TMEM50B: variants seen among roughly 807,000 people sequenced by gnomAD.
The protein encoded by TMEM50B is transmembrane protein 50B.
In TMEM50B, 14 loss-of-function variants were observed where a neutral mutation model predicts 23.4. The ratio of observed to expected loss-of-function variants is 0.60; its 90% CI spans 0.39 to 0.93. The LOEUF is 0.93. Ranked by LOEUF, TMEM50B falls within the 40% of genes least tolerant of loss-of-function variation. TMEM50B has a pLI of 0.00. For missense variants in TMEM50B, 159 were observed against 193.0 expected (o/e 0.82, Z 1.04); for synonymous variants, 64 against 62.3 (o/e 1.03, Z -0.13).
chr21:33,437,047 A>G, intron 8 of TMEM50B: 1 of 1,445,096 alleles, frequency 6.9e-7, no homozygotes, highest in African/African-American at 1.4e-5. Context: ...CTTTCCAGAG[A>G]CCAGTATTCC....
intron 1 of TMEM50B, among the ~76,000 whole-genome samples, chr21:33,476,623 T>C (rs1274398331): frequency 6.6e-6 from 1 of 150,876 alleles, no homozygotes; most frequent in Non-Finnish European, 1.5e-5. Context: ...TAGCTGGGCG[T>C]GGTGGAGGGT....
intron 7 of TMEM50B, among the ~76,000 whole-genome samples, chr21:33,441,430 T>A (rs1156897896): frequency 6.6e-6 from 1 of 152,042 alleles, no homozygotes; most frequent in Non-Finnish European, 1.5e-5. Flanking sequence ...AAAACAAAGG[T>A]TCTTAAAGGA....
At chr21:33,463,200 A>G (rs2084232940) in intron 4 of TMEM50B, among the ~76,000 whole-genome samples, 1 of 152,046 alleles carries the variant, frequency 6.6e-6, no homozygotes, top group Admixed American at 6.6e-5. Context: ...GCTGAGGCAG[A>G]AGAATTGCTT....
intron 6 of TMEM50B, among the ~76,000 whole-genome samples, chr21:33,453,841 C>T (rs898091715): frequency 4.6e-5 from 7 of 152,124 alleles, no homozygotes; most frequent in Admixed American, 2.6e-4. Flanking sequence ...TGGTGGCTCA[C>T]ACCTGTAATC....
intron 1 of TMEM50B, among the ~76,000 whole-genome samples, chr21:33,476,760 CAAAAA>C (rs10645412): frequency 1.5e-5 from 1 of 68,434 alleles, no homozygotes; most frequent in African/African-American, 5.5e-5. Flanking sequence ...GACTCCATCT[CAAAAA>C]AAAAAAAAAA....
Position 33,453,246 on chromosome 21 carries a change from T to C in TMEM50B, c.432-2383A>G, listed in dbSNP as rs953621736. On this transcript the variant is annotated intron_variant, in intron 6 of 6. Coordinates refer to ENST00000542230, the MANE Select transcript of TMEM50B (RefSeq NM_006134.7). ...CTGGGATTCCAGGCATGCACCACCA[T>C]GCCCAGCTAATGTCTGTATTTTTAG... Among the ~76,000 whole-genome samples, 5 of 152,158 alleles carry C rather than the reference T, an allele frequency of 3.3e-5. No individual in the cohort carries two copies. The East Asian group carries it at 9.7e-4, about 29-fold the overall frequency.
chr21:33,469,984 GGAA>G (rs1313845059), intron 1 of TMEM50B, among the ~76,000 whole-genome samples: 3 of 152,042 alleles, frequency 2.0e-5, no homozygotes, highest in Admixed American at 6.6e-5. Flanking sequence ...AGACATAACT[GGAA>G]GAAGGAGAAA....
At chr21:33,459,667 C>CAAA (rs34183635) in intron 5 of TMEM50B, among the ~76,000 whole-genome samples, 34 of 123,982 alleles carry the variant, frequency 2.7e-4, no homozygotes, top group Admixed American at 5.0e-4. Flanking sequence ...GACTCCGTCT[C>CAAA]AAAAAAAAAA....
At chr21:33,450,983 A>G in intron 6 of TMEM50B, 120 bp from the exon 7 acceptor site, 1 of 765,034 alleles carries the variant, frequency 1.3e-6, no homozygotes, top group East Asian at 2.6e-5. Flanking sequence ...TAAAAATTAA[A>G]TTAGACATCA....
intron 2 of TMEM50B, among the ~76,000 whole-genome samples, chr21:33,468,163 T>C (rs1017830083): frequency 1.3e-5 from 2 of 151,284 alleles, no homozygotes; most frequent in South Asian, 4.2e-4. Context: ...AGCTGGATGA[T>C]AGACACATGG....
chr21:33,451,723 G>A (rs890015833), intron 6 of TMEM50B, among the ~76,000 whole-genome samples: 1 of 152,130 alleles, frequency 6.6e-6, no homozygotes, highest in Non-Finnish European at 1.5e-5. Context: ...CTGGATATAC[G>A]GTTTAGGCCT....
At position 33,450,742 on chromosome 21, in the gene TMEM50B, C is replaced by A; in HGVS notation, c.*76G>T. 1.8e-6 allele frequency: 2 copies of A among 1,103,512 alleles called. No homozygotes were observed. Among genetic ancestry groups the A allele is most frequent in the Non-Finnish European group, 2.7e-6 (2 of 746,448 alleles). 68.4% of individuals were successfully genotyped at this position (1,103,512 alleles called of 1,614,324 possible). On this transcript the variant is annotated 3_prime_UTR_variant, in exon 7 of 7. Transcript: ENST00000542230. ...TTAATGTACAATCTACTCCATTTGG[C>A]AATGTGTACTGAGAGATAAAAAACC...
chr21:33,442,947 C>T (rs1318355495), intron 7 of TMEM50B, among the ~76,000 whole-genome samples: 1 of 151,218 alleles, frequency 6.6e-6, no homozygotes, highest in Non-Finnish European at 1.5e-5. Context: ...CAAATCAAAA[C>T]AAAAAGCACA....
intron 1 of TMEM50B, among the ~76,000 whole-genome samples, chr21:33,473,526 G>A (rs1267187062): frequency 1.3e-5 from 2 of 150,618 alleles, no homozygotes; most frequent in Non-Finnish European, 3.0e-5. Flanking sequence ...CAAAAATGAG[G>A]ATAGCCAAGC....
intron 5 of TMEM50B, chr21:33,456,115 A>C: frequency 1.8e-6 from 1 of 542,668 alleles, no homozygotes; most frequent in South Asian, 1.6e-5. Flanking sequence ...GCAAAATCGT[A>C]AAAACATACA....
chr21:33,433,105 C>T (rs1197468262), intron 8 of TMEM50B, among the ~76,000 whole-genome samples: 6 of 152,138 alleles, frequency 3.9e-5, no homozygotes, highest in Non-Finnish European at 8.8e-5. Context: ...AGACTGGTCT[C>T]AAACTCCTGA....
chr21:33,434,247 C>T (rs1008611963), intron 8 of TMEM50B, among the ~76,000 whole-genome samples: 5 of 152,114 alleles, frequency 3.3e-5, no homozygotes, highest in African/African-American at 2.4e-5. Flanking sequence ...TGCAGCCGGG[C>T]GCAGTGACCC....
intron 5 of TMEM50B, among the ~76,000 whole-genome samples, chr21:33,457,967 A>G (rs2084184933): frequency 6.6e-6 from 1 of 152,164 alleles, no homozygotes; most frequent in Non-Finnish European, 1.5e-5. Context: ...GCCAATCCCA[A>G]GCAGCCAACT....
At chr21:33,436,012 G>A (rs1024712806) in intron 8 of TMEM50B, among the ~76,000 whole-genome samples, 1 of 151,904 alleles carries the variant, frequency 6.6e-6, no homozygotes, top group East Asian at 1.9e-4. Flanking sequence ...AGTGAGCCGA[G>A]ATCGCGCCAC....
Sources: allele counts gnomAD v4.1 joint callset (sites outside exome capture counted in the v4.1 genomes callset), GRCh38; gene constraint gnomAD v4.1.1; transcripts MANE v1.5; gene names NCBI Gene and HGNC (gene_info 2026-07-23, HGNC 2026-07-21).